CSTPP1: variants seen among roughly 807,000 people sequenced by gnomAD.
The protein encoded by CSTPP1 is UPF0705 protein C11orf49.
At chr11:47,082,692 C>G in the CSTPP1 span, among the ~76,000 whole-genome samples, 1 of 152,018 alleles carries the variant, frequency 6.6e-6, no homozygotes, top group Admixed American at 6.6e-5. Flanking sequence ...AAAAATACCC[C>G]GTACACATTA....
At chr11:46,940,525 T>A in the CSTPP1 span, among the ~76,000 whole-genome samples, 2 of 152,180 alleles carry the variant, frequency 1.3e-5, no homozygotes, top group Non-Finnish European at 2.9e-5. Context: ...ACATCAAACT[T>A]GGATTTTTTT....
chr11:47,051,698 T>C, the CSTPP1 span, among the ~76,000 whole-genome samples: 2 of 149,674 alleles, frequency 1.3e-5, no homozygotes, highest in African/African-American at 2.5e-5. Context: ...TTTCTTTTTT[T>C]TTTTTTTTTT....
At chr11:47,033,393 A>G in the CSTPP1 span, among the ~76,000 whole-genome samples, 16 of 152,238 alleles carry the variant, frequency 1.1e-4, no homozygotes, top group African/African-American at 3.6e-4. Context: ...GTCTAATGTC[A>G]GTTTGTTTTC....
chr11:46,940,761 A>AT, the CSTPP1 span, among the ~76,000 whole-genome samples: 2 of 152,340 alleles, frequency 1.3e-5, no homozygotes, highest in Middle Eastern at 3.4e-3. Context: ...TATCTAATGA[A>AT]TAACAGTATC....
At chr11:47,160,225 G>C in the CSTPP1 span, 1 of 152,558 alleles carries the variant, frequency 6.6e-6, no homozygotes, top group Admixed American at 6.6e-5. Context: ...AGATCGCTTG[G>C]GCATGGGAGG....
At chr11:47,025,456 A>G in the CSTPP1 span, among the ~76,000 whole-genome samples, 14 of 152,222 alleles carry the variant, frequency 9.2e-5, no homozygotes, top group African/African-American at 3.1e-4. Flanking sequence ...AATCAAGTCC[A>G]AGGAGACTTG....
the CSTPP1 span, among the ~76,000 whole-genome samples, chr11:47,058,838 A>G: frequency 2.0e-5 from 3 of 152,198 alleles, no homozygotes; most frequent in African/African-American, 7.2e-5. Context: ...CGTGTTATGC[A>G]TCAACACTGC....
At chr11:47,143,994 A>G in the CSTPP1 span, among the ~76,000 whole-genome samples, 1 of 152,176 alleles carries the variant, frequency 6.6e-6, no homozygotes, top group Admixed American at 6.5e-5. Flanking sequence ...CATTAGAAAG[A>G]TCTACTGTAC....
chr11:47,131,327 C>G, the CSTPP1 span, among the ~76,000 whole-genome samples: 1 of 152,160 alleles, frequency 6.6e-6, no homozygotes, highest in African/African-American at 2.4e-5. Context: ...TGTGGACACG[C>G]ATGGTGGTCT....
the CSTPP1 span, among the ~76,000 whole-genome samples, chr11:47,143,298 G>T: frequency 1.3e-5 from 2 of 152,192 alleles, no homozygotes. Context: ...TGCAAATGGA[G>T]GTGGTAGAGA....
chr11:47,075,854 G>A, the CSTPP1 span, among the ~76,000 whole-genome samples: 2 of 148,176 alleles, frequency 1.3e-5, no homozygotes, highest in Admixed American at 1.4e-4. Flanking sequence ...AGAGGTGGAG[G>A]TTGCTGGGTT....
At chr11:47,017,646 T>C in the CSTPP1 span, among the ~76,000 whole-genome samples, 3 of 150,934 alleles carry the variant, frequency 2.0e-5, no homozygotes, top group African/African-American at 7.3e-5. Flanking sequence ...GTCATATCCA[T>C]GGACTTATAC....
the CSTPP1 span, among the ~76,000 whole-genome samples, chr11:46,937,147 T>C: frequency 0.24 from 36,554 of 152,138 alleles, 5,115 homozygotes; most frequent in East Asian, 0.65. Flanking sequence ...ATTGATATGC[T>C]GGTAGTGGAG....
the CSTPP1 span, among the ~76,000 whole-genome samples, chr11:46,972,455 C>T: frequency 8.5e-5 from 13 of 152,152 alleles, no homozygotes; most frequent in Non-Finnish European, 1.8e-4. Flanking sequence ...GATCAATTCT[C>T]TGTTTAAGAG....
chr11:47,060,873 G>A, the CSTPP1 span, among the ~76,000 whole-genome samples: 72 of 152,270 alleles, frequency 4.7e-4, no homozygotes, highest in East Asian at 8.9e-3. Context: ...ACAGACAAAA[G>A]CATGGAAAAT....
the CSTPP1 span, among the ~76,000 whole-genome samples, chr11:47,054,545 T>C: frequency 1.3e-5 from 2 of 152,094 alleles, no homozygotes; most frequent in Admixed American, 1.3e-4. Flanking sequence ...ACTCCTGGGC[T>C]CAAGGCCTCA....
At chr11:47,033,932 GC>G in the CSTPP1 span, among the ~76,000 whole-genome samples, 1 of 151,988 alleles carries the variant, frequency 6.6e-6, no homozygotes, top group Non-Finnish European at 1.5e-5. Flanking sequence ...GTTCTGGGTG[GC>G]CAGGGACATT....
chr11:47,006,817 C>G, the CSTPP1 span, among the ~76,000 whole-genome samples: 1 of 149,870 alleles, frequency 6.7e-6, no homozygotes, highest in Admixed American at 6.7e-5. Flanking sequence ...GTCTCAAACT[C>G]CTGGGCTCAA....
the CSTPP1 span, among the ~76,000 whole-genome samples, chr11:47,065,776 C>T: frequency 6.6e-6 from 1 of 151,826 alleles, no homozygotes; most frequent in Non-Finnish European, 1.5e-5. Context: ...CAAAGTCTCA[C>T]TCTGTCGCCC....
Sources: allele counts gnomAD v4.1 joint callset (sites outside exome capture counted in the v4.1 genomes callset), GRCh38; gene constraint gnomAD v4.1.1; transcripts MANE v1.5; gene names NCBI Gene and HGNC (gene_info 2026-07-23, HGNC 2026-07-21).